ROR1: variants seen among roughly 807,000 people sequenced by gnomAD.
ROR1 encodes inactive tyrosine-protein kinase transmembrane receptor ROR1.
Under a neutral mutation model 78.8 loss-of-function variants are expected in ROR1, and 19 were observed. The ratio of observed to expected loss-of-function variants is 0.24; its 90% CI spans 0.17 to 0.35. The LOEUF (loss-of-function observed/expected upper bound fraction) is 0.35, where lower values mean the gene tolerates loss of function less well. Ranked by LOEUF, ROR1 falls within the 10% of genes least tolerant of loss-of-function variation. The probability of loss-of-function intolerance (pLI) is 1.00; values close to 1 mark genes in which losing one functional copy is unlikely to be tolerated. For synonymous variants in ROR1, 386 were observed against 433.6 expected (o/e 0.89, Z 1.36); for missense variants, 917 against 1,177.8 (o/e 0.78, Z 3.24).
chr1:64,010,819 C>T (rs762883551), intron 2 of ROR1, among the ~76,000 whole-genome samples: 10 of 152,132 alleles, frequency 6.6e-5, no homozygotes, highest in East Asian at 1.9e-4. Flanking sequence ...CTTCCTCCTT[C>T]GCTGGGCACT....
In ROR1 at chr1:63,787,476, T is replaced by TCCTG. The variant is rs1553131691; in HGVS notation, c.91+12971_91+12972insGCCT. 1.1e-3 allele frequency among the ~76,000 whole-genome samples: 142 copies of TCCTG among 132,552 alleles called. 3 individuals are homozygous for TCCTG. Among genetic ancestry groups the TCCTG allele is most frequent in the Admixed American group, 5.9e-3 (80 of 13,596 alleles). The allele number at this position is 132,552 out of a possible 152,430, so 87.0% of individuals were successfully genotyped here. On this transcript the variant is annotated intron_variant, in intron 1 of 8. Transcript: ENST00000371079. ...TTCCTTCCTTCCTTCCTTCCTTCCT[T>TCCTG]CCTTCCTGCCTTCCTGCCTTCCTGA...
At chr1:64,049,591 C>T in intron 2 of ROR1, 100 bp from the exon 3 acceptor site, 6 of 1,035,980 alleles carry the variant, frequency 5.8e-6, no homozygotes, top group Non-Finnish European at 8.6e-6. Context: ...TCCTGCTCAG[C>T]CTCTCTGTGA....
chr1:64,138,859 A>G (rs1416976527), intron 5 of ROR1, among the ~76,000 whole-genome samples: 1 of 152,108 alleles, frequency 6.6e-6, no homozygotes, highest in Non-Finnish European at 1.5e-5. Flanking sequence ...CTGAATATCC[A>G]CAAAAGCAAG....
intron 4 of ROR1, among the ~76,000 whole-genome samples, chr1:64,128,291 CAA>C (rs72429774): frequency 9.9e-6 from 1 of 101,280 alleles, no homozygotes; most frequent in South Asian, 3.7e-4. Flanking sequence ...CCTGTCTCTA[CAA>C]AAAAAAAAAA....
intron 2 of ROR1, among the ~76,000 whole-genome samples, chr1:64,013,925 A>T (rs1405099328): frequency 6.6e-6 from 1 of 152,246 alleles, no homozygotes; most frequent in Non-Finnish European, 1.5e-5. Flanking sequence ...TATGGTGTGT[A>T]AATGCCTACC....
intron 1 of ROR1, among the ~76,000 whole-genome samples, chr1:63,914,267 T>G (rs1310851400): frequency 6.6e-6 from 1 of 152,184 alleles, no homozygotes. Context: ...AAATTATATG[T>G]GAAATTTCAA....
intron 1 of ROR1, among the ~76,000 whole-genome samples, chr1:63,835,391 C>A (rs758194137): frequency 5.3e-5 from 8 of 152,148 alleles, no homozygotes; most frequent in Non-Finnish European, 1.2e-4. Context: ...GTCTCCAGAG[C>A]AAAAAGATTA....
chr1:64,097,408 C>G (rs925472014), intron 4 of ROR1, among the ~76,000 whole-genome samples: 1 of 152,152 alleles, frequency 6.6e-6, no homozygotes, highest in African/African-American at 2.4e-5. Flanking sequence ...CAGCTGATTA[C>G]TGATCTTAAT....
chr1:64,174,699 A>T (rs1650329483), intron 8 of ROR1, among the ~76,000 whole-genome samples: 1 of 152,202 alleles, frequency 6.6e-6, no homozygotes, highest in Non-Finnish European at 1.5e-5. Context: ...CTTCACCTAA[A>T]CTGGATTTAT....
intron 8 of ROR1, among the ~76,000 whole-genome samples, chr1:64,170,797 C>G (rs551087179): frequency 6.6e-6 from 1 of 152,170 alleles, no homozygotes; most frequent in Non-Finnish European, 1.5e-5. Context: ...TCATCTCTCT[C>G]AAGTTCAAAG....
chr1:63,934,292 T>C (rs1645776927), intron 1 of ROR1, among the ~76,000 whole-genome samples: 1 of 152,098 alleles, frequency 6.6e-6, no homozygotes, highest in Non-Finnish European at 1.5e-5. Context: ...AACCGAGCCA[T>C]ACCAGTCACC....
chr1:63,906,143 G>A (rs1645526891), intron 1 of ROR1, among the ~76,000 whole-genome samples: 1 of 152,058 alleles, frequency 6.6e-6, no homozygotes. Context: ...CTTGTTCTAG[G>A]GCACTAACCA....
At chr1:63,930,116 GC>G (rs1254251778) in intron 1 of ROR1, among the ~76,000 whole-genome samples, 1 of 151,994 alleles carries the variant, frequency 6.6e-6, no homozygotes, top group Non-Finnish European at 1.5e-5. Flanking sequence ...CCCTCCTCTA[GC>G]CCCCCACCCG....
chr1:64,014,509 G>C (rs1241329036), intron 2 of ROR1, among the ~76,000 whole-genome samples: 1 of 150,392 alleles, frequency 6.6e-6, no homozygotes, highest in African/African-American at 2.4e-5. Context: ...TGTTGGGGTG[G>C]GTGTGATAAG....
intron 4 of ROR1, among the ~76,000 whole-genome samples, chr1:64,135,976 C>T (rs979718793): frequency 5.3e-5 from 8 of 152,100 alleles, no homozygotes; most frequent in Non-Finnish European, 1.2e-4. Flanking sequence ...TTTCTAGACT[C>T]CTACGCTAGA....
At chr1:63,960,188 T>C (rs749704122) in intron 1 of ROR1, among the ~76,000 whole-genome samples, 47 of 152,198 alleles carry the variant, frequency 3.1e-4, no homozygotes, top group Admixed American at 1.8e-3. Context: ...CATTGTTGAA[T>C]GAAAGAGAAT....
intron 1 of ROR1, among the ~76,000 whole-genome samples, chr1:63,775,674 G>T (rs1192774623): frequency 1.3e-5 from 2 of 152,242 alleles, no homozygotes; most frequent in East Asian, 3.8e-4. Flanking sequence ...TACGAATGCA[G>T]AATTAGTTTT....
intron 8 of ROR1, among the ~76,000 whole-genome samples, chr1:64,170,841 G>T (rs568998477): frequency 5.9e-5 from 9 of 152,086 alleles, no homozygotes; most frequent in African/African-American, 1.9e-4. Flanking sequence ...GAAAAATGCC[G>T]CCAGTCTCTT....
intron 1 of ROR1, among the ~76,000 whole-genome samples, chr1:63,964,856 G>T (rs1298954532): frequency 1.3e-5 from 2 of 152,194 alleles, no homozygotes; most frequent in Non-Finnish European, 2.9e-5. Flanking sequence ...CCAGAGGCAT[G>T]ACCTGAAGCT....
Sources: allele counts gnomAD v4.1 joint callset (sites outside exome capture counted in the v4.1 genomes callset), GRCh38; gene constraint gnomAD v4.1.1; transcripts MANE v1.5; gene names NCBI Gene and HGNC (gene_info 2026-07-23, HGNC 2026-07-21).